The following ATP8B4 variants were observed in gnomAD, a reference collection of about 807,000 sequenced individuals.
The protein encoded by ATP8B4 is probable phospholipid-transporting ATPase IM.
Under a neutral mutation model 145.6 loss-of-function variants are expected in ATP8B4, and 133 were observed. That is an observed-to-expected ratio of 0.91 (90% CI 0.79 to 1.05). ATP8B4 has a LOEUF of 1.05. Among genes scored for constraint, ATP8B4 ranks in the 50% least tolerant of loss-of-function variants. The probability of loss-of-function intolerance (pLI) is 0.00; values close to 1 mark genes in which losing one functional copy is unlikely to be tolerated. For missense variants in ATP8B4, 1,458 were observed against 1,425.2 expected, an observed-to-expected ratio of 1.02 and a Z score of -0.37; for synonymous variants, 507 against 492.9, an observed-to-expected ratio of 1.03 and a Z score of -0.38.
chr15:50,070,509 TG>T, intron 3 of ATP8B4, among the ~76,000 whole-genome samples: 1 of 152,192 alleles, frequency 6.6e-6, no homozygotes, highest in Non-Finnish European at 1.5e-5. Context: ...GGCATCCTTT[TG>T]GGTGTTCCCA....
chr15:50,046,261 CTCTCTCTT>C (rs764787514), intron 4 of ATP8B4, among the ~76,000 whole-genome samples: 35 of 152,266 alleles, frequency 2.3e-4, no homozygotes, highest in East Asian at 3.9e-4. Flanking sequence ...CGTTTTCTCT[CTCTCTCTT>C]TCTCTCTTTC....
intron 1 of ATP8B4, among the ~76,000 whole-genome samples, chr15:50,164,061 A>T (rs961534545): frequency 3.3e-5 from 5 of 152,080 alleles, no homozygotes; most frequent in African/African-American, 1.2e-4. Context: ...AGGTCCAAGA[A>T]TGTTGTTCAG....
At chr15:50,139,665 G>A (rs573165846) in intron 1 of ATP8B4, among the ~76,000 whole-genome samples, 7 of 152,156 alleles carry the variant, frequency 4.6e-5, no homozygotes, top group Non-Finnish European at 1.0e-4. Flanking sequence ...GACTGTAATA[G>A]ATCAGACTAG....
chr15:49,884,918 T>G (rs1209036190), intron 23 of ATP8B4, among the ~76,000 whole-genome samples: 1 of 152,144 alleles, frequency 6.6e-6, no homozygotes, highest in Non-Finnish European at 1.5e-5. Flanking sequence ...TGGAACAGTC[T>G]CATCCCAAAA....
At chr15:49,877,747 C>T (rs746526426) in intron 24 of ATP8B4, among the ~76,000 whole-genome samples, 4 of 152,122 alleles carry the variant, frequency 2.6e-5, no homozygotes, top group Admixed American at 2.0e-4. Context: ...ATGGAACTAT[C>T]GCCATGATTA....
chr15:49,903,854 A>G (rs1029487429), intron 20 of ATP8B4, among the ~76,000 whole-genome samples: 1 of 151,820 alleles, frequency 6.6e-6, no homozygotes, highest in African/African-American at 2.4e-5. Flanking sequence ...AGATGGCGCC[A>G]TTGCACTCCA....
intron 1 of ATP8B4, among the ~76,000 whole-genome samples, chr15:50,180,396 G>A (rs1020095655): frequency 2.0e-5 from 3 of 152,236 alleles, no homozygotes; most frequent in East Asian, 3.9e-4. Flanking sequence ...TCTTAGCCCC[G>A]GACTCTCCAG....
chr15:50,049,515 G>GTATAT (rs2052005438), intron 3 of ATP8B4, among the ~76,000 whole-genome samples: 2 of 152,200 alleles, frequency 1.3e-5, no homozygotes, highest in Admixed American at 6.5e-5. Flanking sequence ...ATTCCATGGT[G>GTATAT]TATATGTACC....
chr15:49,938,023 C>T (rs755712541), intron 14 of ATP8B4, among the ~76,000 whole-genome samples: 4 of 152,000 alleles, frequency 2.6e-5, no homozygotes, highest in African/African-American at 7.2e-5. Flanking sequence ...ACGTTGGACC[C>T]GGGGGAAGGA....
At chr15:49,887,237 T>C (rs1472901841) in intron 23 of ATP8B4, among the ~76,000 whole-genome samples, 1 of 151,916 alleles carries the variant, frequency 6.6e-6, no homozygotes, top group Non-Finnish European at 1.5e-5. Flanking sequence ...TGGAAAAATT[T>C]TAAGGCCCCC....
At chr15:50,012,033 A>G (rs2153571976) in intron 6 of ATP8B4, among the ~76,000 whole-genome samples, 1 of 152,330 alleles carries the variant, frequency 6.6e-6, no homozygotes, top group African/African-American at 2.4e-5. Flanking sequence ...TCTTTAATAC[A>G]GATCCAAGTA....
chr15:50,026,408 G>C (rs913167558), intron 6 of ATP8B4, among the ~76,000 whole-genome samples: 2 of 152,150 alleles, frequency 1.3e-5, no homozygotes, highest in Admixed American at 6.5e-5. Context: ...CAAGAGGTCC[G>C]GGAAAGAGCC....
intron 9 of ATP8B4, among the ~76,000 whole-genome samples, chr15:49,991,707 C>A (rs1026482695): frequency 6.6e-6 from 1 of 152,006 alleles, no homozygotes; most frequent in African/African-American, 2.4e-5. Context: ...ATTTACCTGC[C>A]AAAACCCAAC....
chr15:50,161,952 G>T (rs2044525893), intron 1 of ATP8B4, among the ~76,000 whole-genome samples: 1 of 152,166 alleles, frequency 6.6e-6, no homozygotes, highest in Non-Finnish European at 1.5e-5. Context: ...TGGAGGACAG[G>T]TCTTGGGTTG....
At chr15:50,180,602 A>G (rs916972259) in intron 1 of ATP8B4, among the ~76,000 whole-genome samples, 1 of 152,212 alleles carries the variant, frequency 6.6e-6, no homozygotes, top group Non-Finnish European at 1.5e-5. Flanking sequence ...GCGATTAGCC[A>G]TCAAGGGACG....
intron 5 of ATP8B4, among the ~76,000 whole-genome samples, chr15:50,039,571 A>C (rs1212162422): frequency 3.9e-5 from 6 of 152,204 alleles, no homozygotes. Context: ...AAGAGAAAAA[A>C]AAGTAATATA....
At chr15:50,050,218 C>A (rs1473897715) in intron 3 of ATP8B4, among the ~76,000 whole-genome samples, 2 of 152,212 alleles carry the variant, frequency 1.3e-5, no homozygotes, top group African/African-American at 4.8e-5. Context: ...ATGCCTAGAA[C>A]CAAACACAAC....
At chr15:49,868,158 T>C (rs1400316838) in intron 25 of ATP8B4, among the ~76,000 whole-genome samples, 2 of 152,144 alleles carry the variant, frequency 1.3e-5, no homozygotes, top group African/African-American at 2.4e-5. Context: ...CTATCCAAAG[T>C]AATGAAAGAA....
chr15:50,156,897 T>G (rs2140828028), intron 1 of ATP8B4, among the ~76,000 whole-genome samples: 1 of 152,320 alleles, frequency 6.6e-6, no homozygotes, highest in Middle Eastern at 3.4e-3. Context: ...GTGATAGTCT[T>G]AGCGGCTTTT....
Sources: gnomAD v4.1 joint callset for allele counts (sites outside exome capture counted in the v4.1 genomes callset) on GRCh38, gnomAD v4.1.1 for gene constraint, MANE v1.5 for transcripts, NCBI Gene and HGNC (gene_info 2026-07-23, HGNC 2026-07-21) for gene names.